The following DNER variants were observed in gnomAD, a reference collection of about 807,000 sequenced individuals.
The protein encoded by DNER is delta/notch like EGF repeat containing.
In DNER, 33 loss-of-function variants were observed where a neutral mutation model predicts 78.2. That is an observed-to-expected ratio of 0.42 (90% CI 0.32 to 0.56). The LOEUF (loss-of-function observed/expected upper bound fraction) is 0.56. Among genes scored for constraint, DNER ranks in the 20% least tolerant of loss-of-function variants. The pLI, the probability that DNER is intolerant of heterozygous loss-of-function variation, is 0.11. For synonymous variants in DNER, 417 were observed against 384.8 expected (o/e 1.08, Z -0.98); for missense variants, 918 against 975.3 (o/e 0.94, Z 0.78).
At chr2:229,433,337 T>TA (rs1392455313) in intron 8 of DNER, among the ~76,000 whole-genome samples, 3 of 152,036 alleles carry the variant, frequency 2.0e-5, no homozygotes, top group Non-Finnish European at 4.4e-5. Flanking sequence ...GGCATATAAA[T>TA]AAACCAACAG....
chr2:229,469,415 T>C (rs1021014297), intron 7 of DNER, among the ~76,000 whole-genome samples: 2 of 152,204 alleles, frequency 1.3e-5, no homozygotes, highest in Non-Finnish European at 2.9e-5. Context: ...TAATTACTTA[T>C]TCTCTGCGAG....
At chr2:229,678,766 T>C (rs1165208097) in intron 1 of DNER, among the ~76,000 whole-genome samples, 3 of 152,212 alleles carry the variant, frequency 2.0e-5, no homozygotes, top group African/African-American at 7.2e-5. Flanking sequence ...CTATGGGCAG[T>C]ATACCGTCAC....
chr2:229,599,181 A>G (rs1697780575), intron 1 of DNER, among the ~76,000 whole-genome samples: 2 of 152,156 alleles, frequency 1.3e-5, no homozygotes, highest in South Asian at 4.1e-4. Flanking sequence ...CTTACAGAGA[A>G]GTGGAGAAGA....
chr2:229,544,001 G>A (rs13413416), intron 5 of DNER, among the ~76,000 whole-genome samples: 3,632 of 151,620 alleles, frequency 0.024, 153 homozygotes, highest in African/African-American at 0.084. Flanking sequence ...ATACACACAC[G>A]CCACCCCACT....
chr2:229,452,721 T>C (rs1694488188), intron 7 of DNER, among the ~76,000 whole-genome samples: 1 of 152,212 alleles, frequency 6.6e-6, no homozygotes, highest in East Asian at 1.9e-4. Flanking sequence ...CTCCGCCTCC[T>C]GGATTCAAGC....
At chr2:229,701,930 G>A (rs1284997458) in intron 1 of DNER, 2 of 163,154 alleles carry the variant, frequency 1.2e-5, no homozygotes, top group African/African-American at 2.4e-5. Context: ...AGCCCCAATG[G>A]CATGCGGGCC....
At chr2:229,474,402 G>C (rs1694989613) in intron 7 of DNER, among the ~76,000 whole-genome samples, 1 of 152,192 alleles carries the variant, frequency 6.6e-6, no homozygotes, top group South Asian at 2.1e-4. Context: ...GCTTTTCCCT[G>C]CTCAGGCTTC....
At chr2:229,498,022 T>A (rs1289291324) in intron 6 of DNER, among the ~76,000 whole-genome samples, 2 of 151,434 alleles carry the variant, frequency 1.3e-5, no homozygotes, top group African/African-American at 4.9e-5. Flanking sequence ...GAAGAAAAAA[T>A]TCTCAAAAAA....
intron 11 of DNER, among the ~76,000 whole-genome samples, chr2:229,374,401 A>G (rs918059888): frequency 2.0e-5 from 3 of 152,216 alleles, no homozygotes; most frequent in Admixed American, 6.5e-5. Flanking sequence ...AAAGTTGAAT[A>G]AACAAATAAA....
At chr2:229,511,244 G>T (rs1050416668) in intron 6 of DNER, among the ~76,000 whole-genome samples, 4 of 152,092 alleles carry the variant, frequency 2.6e-5, no homozygotes, top group African/African-American at 9.7e-5. Flanking sequence ...CAAGAGAATG[G>T]GATGGAAAGA....
In DNER at chr2:229,358,543, C is replaced by T; in HGVS notation, c.2211G>A (p.Leu737=). 4.4e-6 allele frequency: 7 copies of T among 1,600,194 alleles called. No homozygotes were observed. The highest frequency in any genetic ancestry group is 6.0e-6 in the Non-Finnish European group (7 of 1,173,432). The change falls in exon 13 of 13, where the codon TTG becomes TTA. Residue 737 remains leucine, a synonymous_variant. Transcript: ENST00000341772. Reference sequence around the variant, plus strand: ...TGAAAAATAATCCAAAAAAAGATTACAAATCTTTAGTTTTAATCAGTGTGA... The same window carrying T: ...TGAAAAATAATCCAAAAAAAGATTATAAATCTTTAGTTTTAATCAGTGTGA... ...PLVTLIKTKD[L] is the part of the protein sequence containing the mutation.
chr2:229,595,467 A>G (rs564544289), intron 1 of DNER, among the ~76,000 whole-genome samples: 1 of 152,176 alleles, frequency 6.6e-6, no homozygotes, highest in East Asian at 1.9e-4. Context: ...TTTTTGTTAG[A>G]GACGAGGTTT....
intron 10 of DNER, among the ~76,000 whole-genome samples, chr2:229,398,198 A>C (rs749209983): frequency 3.0e-4 from 45 of 152,252 alleles, no homozygotes; most frequent in Non-Finnish European, 5.4e-4. Context: ...ATCACCAAAG[A>C]CTGCAGATGT....
At chr2:229,460,798 C>A (rs1694682626) in intron 7 of DNER, among the ~76,000 whole-genome samples, 2 of 152,034 alleles carry the variant, frequency 1.3e-5, no homozygotes, top group African/African-American at 2.4e-5. Context: ...GCTTGTCAAC[C>A]TGATAGTGAT....
rs147327507 is a variant in DNER at position 229,447,344 on chromosome 2, G to A, written c.1458C>T (p.Gly486=). The part of the protein sequence containing the change: ...PCAHGTCRSV[G]TSYKCLCDPG... ...GATCACAGAGGCATTTGTAGCTGGTGCCCACGCTGCGGCACGTGCCATGAG... is the reference window on the plus strand; with the variant it reads ...GATCACAGAGGCATTTGTAGCTGGTACCCACGCTGCGGCACGTGCCATGAG... Residue 486 remains glycine, a synonymous_variant, in exon 8 of 13, where the codon GGC becomes GGT. Transcript: ENST00000341772. The A allele has an allele frequency of 5.0e-6, 8 of 1,607,314 alleles. No homozygotes were observed. Among genetic ancestry groups the A allele is most frequent in the Non-Finnish European group, 6.8e-6 (8 of 1,177,052 alleles).
At chr2:229,440,675 C>T (rs1694213037) in intron 8 of DNER, among the ~76,000 whole-genome samples, 1 of 152,202 alleles carries the variant, frequency 6.6e-6, no homozygotes, top group Admixed American at 6.5e-5. Flanking sequence ...AAGTAAGAAC[C>T]ATTTACCGAC....
intron 7 of DNER, among the ~76,000 whole-genome samples, chr2:229,448,176 A>C (rs1032150103): frequency 2.0e-5 from 3 of 151,922 alleles, no homozygotes; most frequent in Non-Finnish European, 2.9e-5. Context: ...ATGAAATACC[A>C]CTCAGCAATA....
chr2:229,677,273 C>G (rs940754825), intron 1 of DNER, among the ~76,000 whole-genome samples: 1 of 152,178 alleles, frequency 6.6e-6, no homozygotes, highest in Non-Finnish European at 1.5e-5. Context: ...AGGAGAGCGT[C>G]TGTTGTGGTA....
At chr2:229,447,160 C>T (rs1694358323) in intron 8 of DNER, among the ~76,000 whole-genome samples, 156 bp downstream of exon 8, 1 of 152,168 alleles carries the variant, frequency 6.6e-6, no homozygotes, top group Admixed American at 6.5e-5. Context: ...CTTTTATTCA[C>T]AAGTATATCA....
Sources: allele counts gnomAD v4.1 joint callset (sites outside exome capture counted in the v4.1 genomes callset), GRCh38; gene constraint gnomAD v4.1.1; transcripts MANE v1.5; gene names NCBI Gene and HGNC (gene_info 2026-07-23, HGNC 2026-07-21).